STX17: variants seen among roughly 807,000 people sequenced by gnomAD.
STX17 encodes the protein syntaxin-17.
STX17 carries 29 observed loss-of-function variants against 35.9 expected under a neutral mutation model. That is an observed-to-expected ratio of 0.81 (90% CI 0.60 to 1.10). STX17 has a LOEUF of 1.10. Ranked by LOEUF, STX17 falls within the 50% of genes least tolerant of loss-of-function variation. The probability of loss-of-function intolerance (pLI) is 0.00; values close to 1 mark genes in which losing one functional copy is unlikely to be tolerated. For missense variants in STX17, 312 were observed against 352.3 expected (o/e 0.89, Z 0.92); for synonymous variants, 92 against 118.3 (o/e 0.78, Z 1.44).
intron 3 of STX17, among the ~76,000 whole-genome samples, chr9:99,938,815 G>A (rs1369746104): frequency 6.7e-6 from 1 of 148,682 alleles, no homozygotes; most frequent in African/African-American, 2.5e-5. Flanking sequence ...AGGGAGGGAG[G>A]GAAGGACCTG....
At chr9:99,935,306 G>C (rs1443177403) in intron 3 of STX17, among the ~76,000 whole-genome samples, 1 of 143,208 alleles carries the variant, frequency 7.0e-6, no homozygotes, top group African/African-American at 2.7e-5. Flanking sequence ...CTCCAGCCTG[G>C]GTGACAGAGC....
intron 3 of STX17, among the ~76,000 whole-genome samples, chr9:99,944,319 A>T (rs184839638): frequency 6.6e-6 from 1 of 151,456 alleles, no homozygotes; most frequent in African/African-American, 2.4e-5. Flanking sequence ...TTACATTTTT[A>T]TTATTTTCTC....
intron 7 of STX17, 84 bp downstream of exon 7, chr9:99,967,823 C>T (rs1649345501): frequency 8.4e-7 from 1 of 1,183,906 alleles, no homozygotes; most frequent in Non-Finnish European, 1.3e-6. Flanking sequence ...CTGCTCTCTT[C>T]AATGTTGAGG....
intron 3 of STX17, chr9:99,937,940 C>A (rs1331934657): frequency 1.3e-5 from 2 of 152,206 alleles, no homozygotes; most frequent in Non-Finnish European, 2.9e-5. Flanking sequence ...TTAGGCTTAA[C>A]TATAGCGCTG....
intron 3 of STX17, among the ~76,000 whole-genome samples, chr9:99,949,364 AT>A (rs111449688): frequency 1.0e-3 from 153 of 151,322 alleles, no homozygotes; most frequent in Non-Finnish European, 1.6e-3. Context: ...TAACTAAACT[AT>A]TTTTTTTTCT....
At chr9:99,937,712 G>A (rs1829264884) in intron 3 of STX17, among the ~76,000 whole-genome samples, 1 of 151,964 alleles carries the variant, frequency 6.6e-6, no homozygotes, top group African/African-American at 2.4e-5. Flanking sequence ...GGCAATTCTA[G>A]GTCAATTTCA....
intron 2 of STX17, among the ~76,000 whole-genome samples, chr9:99,928,371 A>G (rs1268924338): frequency 1.0e-5 from 1 of 99,176 alleles, no homozygotes; most frequent in Non-Finnish European, 2.1e-5. Flanking sequence ...TTAGTTTTCA[A>G]TACTTAACAC....
At chr9:99,918,625 C>A (rs932381190) in intron 2 of STX17, among the ~76,000 whole-genome samples, 1 of 150,780 alleles carries the variant, frequency 6.6e-6, no homozygotes, top group African/African-American at 2.4e-5. Flanking sequence ...CTTTTCTTGG[C>A]TGGCTTTTGA....
At chr9:99,932,135 C>T (rs1436210711) in intron 3 of STX17, among the ~76,000 whole-genome samples, 1 of 152,154 alleles carries the variant, frequency 6.6e-6, no homozygotes, top group Non-Finnish European at 1.5e-5. Context: ...TTATTCAGTA[C>T]AGGCTTTTTA....
chr9:99,972,948 C>G lies in STX17; in HGVS notation c.*4275C>G, dbSNP rs147440414. On this transcript the variant is annotated 3_prime_UTR_variant, in exon 8 of 8. Coordinates refer to ENST00000259400, the MANE Select transcript of STX17 (RefSeq NM_017919.3). ...ATGTTAGATGATGTTCTTAAGTAAT[C>G]AGAGGCCTAATAAAAGGCAGGGGAG... Among the ~76,000 whole-genome samples, 40 of 152,190 alleles carry G rather than the reference C, an allele frequency of 2.6e-4. No individual in the cohort carries two copies. Among genetic ancestry groups the G allele is most frequent in the Admixed American group, 7.8e-4 (12 of 15,290 alleles).
chr9:99,931,311 G>T (rs2118384265), intron 3 of STX17, among the ~76,000 whole-genome samples: 1 of 126,482 alleles, frequency 7.9e-6, no homozygotes, highest in African/African-American at 3.0e-5. Context: ...ACCTGGTTTT[G>T]TTTTTTTGTT....
intron 1 of STX17, among the ~76,000 whole-genome samples, chr9:99,909,863 GT>G (rs996641141): frequency 3.5e-4 from 54 of 152,202 alleles, no homozygotes; most frequent in African/African-American, 1.2e-3. Flanking sequence ...TTGTATGCCT[GT>G]ATCAAAATAA....
chr9:99,956,230 C>CTTTTATGTTTG (rs1437073603), intron 4 of STX17, among the ~76,000 whole-genome samples: 1 of 151,996 alleles, frequency 6.6e-6, no homozygotes, highest in Non-Finnish European at 1.5e-5. Flanking sequence ...TGAGGGAAAT[C>CTTTTATGTTTG]TTTTATGTTT....
chr9:99,950,364 T>A (rs536258359), intron 3 of STX17, among the ~76,000 whole-genome samples: 1 of 151,906 alleles, frequency 6.6e-6, no homozygotes, highest in African/African-American at 2.4e-5. Flanking sequence ...ATTTGAATAT[T>A]CCTGTTTCTG....
At chr9:99,936,840 T>G (rs1056770935) in intron 3 of STX17, among the ~76,000 whole-genome samples, 3 of 152,186 alleles carry the variant, frequency 2.0e-5, no homozygotes, top group African/African-American at 7.2e-5. Context: ...ATCTTATATA[T>G]GTACTGGTGT....
intron 3 of STX17, among the ~76,000 whole-genome samples, chr9:99,943,164 C>T (rs983136262): frequency 6.6e-5 from 10 of 152,280 alleles, no homozygotes; most frequent in South Asian, 2.1e-4. Flanking sequence ...GATGCAGTCT[C>T]GGTCTGTTGC....
intron 3 of STX17, among the ~76,000 whole-genome samples, chr9:99,950,312 A>G (rs898879347): frequency 1.3e-5 from 2 of 151,898 alleles, no homozygotes; most frequent in African/African-American, 2.4e-5. Flanking sequence ...GCTTTTTGGG[A>G]AAAAAACAAC....
intron 1 of STX17, among the ~76,000 whole-genome samples, chr9:99,914,321 A>G (rs969520329): frequency 3.3e-5 from 5 of 152,230 alleles, no homozygotes; most frequent in Non-Finnish European, 7.3e-5. Flanking sequence ...TGTGAAGCCC[A>G]TTATTTATAT....
chr9:99,946,282 G>A (rs10760704), intron 3 of STX17, among the ~76,000 whole-genome samples: 105,797 of 151,952 alleles, frequency 0.7, 37,134 homozygotes, highest in African/African-American at 0.75. Context: ...ACCATTTTAT[G>A]TAAGGCTTTG....
Sources: gnomAD v4.1 joint callset for allele counts (sites outside exome capture counted in the v4.1 genomes callset) on GRCh38, gnomAD v4.1.1 for gene constraint, MANE v1.5 for transcripts, NCBI Gene and HGNC (gene_info 2026-07-23, HGNC 2026-07-21) for gene names.